Variants in DOCK1 observed in about 807,000 individuals in gnomAD.
DOCK1 encodes dedicator of cytokinesis protein 1.
DOCK1 carries 138 observed loss-of-function variants against 262.7 expected under a neutral mutation model. The observed-to-expected ratio is 0.53, with a 90% CI of 0.46 to 0.61. DOCK1 has a LOEUF of 0.61. Ranked by LOEUF, DOCK1 falls within the 20% of genes least tolerant of loss-of-function variation. The pLI is 0.00. For synonymous variants in DOCK1, 866 were observed against 867.4 expected (o/e 1.00, Z 0.03); for missense variants, 1,908 against 2,370.7 (o/e 0.80, Z 4.05).
intron 5 of DOCK1, among the ~76,000 whole-genome samples, chr10:126,990,070 T>A (rs1193228357): frequency 6.6e-6 from 1 of 152,100 alleles, no homozygotes; most frequent in Non-Finnish European, 1.5e-5. Context: ...AGGATTCAGA[T>A]CTTTAGGCTC....
chr10:127,240,294 T>G (rs957544384), intron 27 of DOCK1, among the ~76,000 whole-genome samples: 1 of 150,702 alleles, frequency 6.6e-6, no homozygotes, highest in Non-Finnish European at 1.5e-5. Context: ...TAACAAACAT[T>G]CCTCACTCTA....
intron 23 of DOCK1, among the ~76,000 whole-genome samples, chr10:127,065,979 C>T (rs1216941240): frequency 3.9e-5 from 6 of 152,096 alleles, no homozygotes; most frequent in Non-Finnish European, 8.8e-5. Flanking sequence ...CTGAGACCCG[C>T]TCCACCCCTA....
At position 127,380,065 on chromosome 10, in the gene DOCK1, A is replaced by T; in HGVS notation, c.3676-17A>T. ...GGAACAGATTTCTTAAAACAGTATT[A>T]TGGTTTAACTTTTCAGAATTTCTAC... On this transcript the variant is annotated splice_polypyrimidine_tract_variant and intron_variant, in intron 35 of 51. Coordinates refer to ENST00000623213, the MANE Select transcript of DOCK1 (RefSeq NM_001290223.2). The T allele has an allele frequency of 6.8e-7, 1 of 1,471,382 alleles. No individual in the cohort carries two copies. Among genetic ancestry groups the T allele is most frequent in the South Asian group, 1.2e-5 (1 of 81,472 alleles). 91.1% of individuals were successfully genotyped at this position (1,471,382 alleles called of 1,614,324 possible).
chr10:127,393,805 G>T (rs1413460698), intron 38 of DOCK1, among the ~76,000 whole-genome samples: 1 of 151,976 alleles, frequency 6.6e-6, no homozygotes, highest in Non-Finnish European at 1.5e-5. Context: ...CCTAGCTCTT[G>T]GTTTCTTAAT....
intron 27 of DOCK1, among the ~76,000 whole-genome samples, chr10:127,180,196 G>T (rs2055594443): frequency 1.3e-5 from 2 of 152,220 alleles, no homozygotes; most frequent in African/African-American, 4.8e-5. Flanking sequence ...GTGTATCTGG[G>T]TGCTGGTTAG....
chr10:127,056,115 G>C (rs1377281206), intron 22 of DOCK1, among the ~76,000 whole-genome samples: 1 of 152,146 alleles, frequency 6.6e-6, no homozygotes, highest in Non-Finnish European at 1.5e-5. Context: ...AGCCTCTGAG[G>C]CCATTGTCTG....
Position 127,368,709 on chromosome 10 carries a change from A to C in DOCK1, c.3433-5072A>C, listed in dbSNP as rs539171354. 1.5e-3 allele frequency among the ~76,000 whole-genome samples: 234 copies of C among 152,130 alleles called. 1 individual carries two copies. The highest frequency in any genetic ancestry group is 2.3e-3 in the Non-Finnish European group (158 of 67,992). Reference sequence around the variant, plus strand: ...AGGAGATGAGCCCTCTCCTGGCCTTAAGCTGACTCTCCCTGCCTCACCAAG... The same window carrying C: ...AGGAGATGAGCCCTCTCCTGGCCTTCAGCTGACTCTCCCTGCCTCACCAAG... On this transcript the variant is annotated intron_variant, in intron 33 of 51. Coordinates refer to ENST00000623213, the MANE Select transcript of DOCK1 (RefSeq NM_001290223.2).
intron 27 of DOCK1, chr10:127,137,507 G>T: frequency 4.2e-6 from 1 of 235,654 alleles, no homozygotes; most frequent in African/African-American, 2.2e-5. Flanking sequence ...CAGGGTGACA[G>T]CCTGCCATCT....
At chr10:127,052,578 G>A (rs185984681) in intron 21 of DOCK1, 103 bp from the exon 22 acceptor site, 7 of 1,526,028 alleles carry the variant, frequency 4.6e-6, no homozygotes, top group Admixed American at 1.9e-5. Context: ...ACTGATAGAT[G>A]GAAACCAAAT....
intron 40 of DOCK1, among the ~76,000 whole-genome samples, chr10:127,406,301 C>T (rs945597675): frequency 2.0e-5 from 3 of 152,142 alleles, no homozygotes; most frequent in Admixed American, 2.0e-4. Context: ...GTTGCAGCTC[C>T]CGAGCCAATA....
rs528159292 is a variant in DOCK1, at chr10:127,177,804, G to A, written c.2847+50040G>A. 3.9e-4 allele frequency among the ~76,000 whole-genome samples: 60 copies of A among 152,374 alleles called. 1 individual carries two copies. In the South Asian group the frequency reaches 0.012, roughly 31 times the overall value. Reference sequence around the variant, plus strand: ...AGGTGGTTCGAGTGCCAGATGCTCTGCTCGTTCACATACAGAATGCCTTGC... The same window carrying A: ...AGGTGGTTCGAGTGCCAGATGCTCTACTCGTTCACATACAGAATGCCTTGC... On this transcript the variant is annotated intron_variant, in intron 27 of 51. Coordinates refer to ENST00000623213, the MANE Select transcript of DOCK1 (RefSeq NM_001290223.2).
intron 29 of DOCK1, among the ~76,000 whole-genome samples, chr10:127,259,792 T>A (rs888404319): frequency 1.1e-4 from 8 of 73,144 alleles, no homozygotes; most frequent in African/African-American, 2.5e-4. Flanking sequence ...GTTCATGATT[T>A]TTTTTTTTTT....
intron 46 of DOCK1, among the ~76,000 whole-genome samples, chr10:127,423,234 G>T (rs368267077): frequency 1.5e-4 from 23 of 152,278 alleles, no homozygotes; most frequent in African/African-American, 4.8e-4. Context: ...ATCTGGTTTG[G>T]TTTTTTCCTG....
intron 27 of DOCK1, among the ~76,000 whole-genome samples, chr10:127,155,301 T>C (rs920242753): frequency 6.6e-6 from 1 of 152,244 alleles, no homozygotes; most frequent in Admixed American, 6.5e-5. Context: ...CTACATGCCG[T>C]GATTGTCTCA....
intron 1 of DOCK1, among the ~76,000 whole-genome samples, chr10:126,944,946 C>G (rs1000984725): frequency 2.0e-5 from 3 of 152,152 alleles, no homozygotes; most frequent in Non-Finnish European, 4.4e-5. Context: ...TCAAACGATT[C>G]TCCTGCCTCG....
intron 22 of DOCK1, among the ~76,000 whole-genome samples, chr10:127,059,996 G>A (rs72834652): frequency 0.052 from 7,898 of 152,146 alleles, 278 homozygotes; most frequent in Middle Eastern, 0.078. Flanking sequence ...GCTCAGTTTT[G>A]AGGCTACACT....
chr10:127,418,160 C>T (rs115303231), intron 44 of DOCK1, among the ~76,000 whole-genome samples: 445 of 151,862 alleles, frequency 2.9e-3, no homozygotes, highest in African/African-American at 9.4e-3. Context: ...CAGAGCTGAG[C>T]AGCAGCTTTG....
At chr10:126,943,884 G>C (rs1010587090) in intron 1 of DOCK1, among the ~76,000 whole-genome samples, 85 of 152,294 alleles carry the variant, frequency 5.6e-4, no homozygotes, top group Admixed American at 1.2e-3. Context: ...TCGAGGCGAG[G>C]CTGGGTGCCA....
rs935427172 is a variant in DOCK1 at position 126,927,949 on chromosome 10, G to A, written c.46+22386G>A. Among the ~76,000 whole-genome samples, 370 of 152,202 alleles carry A rather than the reference G, an allele frequency of 2.4e-3. 1 individual carries two copies. Among genetic ancestry groups the A allele is most frequent in the African/African-American group, 8.6e-3 (357 of 41,542 alleles). On this transcript the variant is annotated intron_variant, in intron 1 of 51. Coordinates refer to ENST00000623213, the MANE Select transcript of DOCK1 (RefSeq NM_001290223.2). ...AGTGGTCTCAGGGAAGACACCTGCC[G>A]TGCAGGTGAGGGGCACCTACCCAGG... is the stretch of plus-strand genomic sequence containing the variant.
Sources: allele counts gnomAD v4.1 joint callset (sites outside exome capture counted in the v4.1 genomes callset), GRCh38; gene constraint gnomAD v4.1.1; transcripts MANE v1.5; gene names NCBI Gene and HGNC (gene_info 2026-07-23, HGNC 2026-07-21).